LRIG1: variants seen among roughly 807,000 people sequenced by gnomAD.
The protein encoded by LRIG1 is leucine rich repeats and immunoglobulin like domains 1.
A neutral mutation model predicts 99.2 loss-of-function variants in LRIG1; 48 were observed. The observed-to-expected ratio is 0.48, with a 90% confidence interval of 0.38 to 0.62. The LOEUF is 0.62. LRIG1 is among the 20% of genes least tolerant of loss of function. The pLI, the probability that LRIG1 is intolerant of heterozygous loss-of-function variation, is 0.00. For synonymous variants in LRIG1, 772 were observed against 596.1 expected (o/e 1.29, Z -4.30); for missense variants, 1,646 against 1,434.4 (o/e 1.15, Z -2.38).
Position 66,500,586 on chromosome 3 carries a change from G to A in LRIG1, c.-179C>T, listed in dbSNP as rs1043862722. On this transcript the variant is annotated 5_prime_UTR_variant, in exon 1 of 19. Coordinates refer to ENST00000273261, the MANE Select transcript of LRIG1 (RefSeq NM_015541.3). The stretch of plus-strand genomic sequence containing the variant: ...GGCACTCAGCGTGCCCCCGGTGCCC[G>A]GGCCGCTCCGGAGCACCCGGCGGGG... The A allele has an allele frequency of 7.1e-5, 26 of 366,936 alleles. No homozygotes were observed. The highest frequency in any genetic ancestry group is 1.1e-4 in the Non-Finnish European group (23 of 208,554). 22.7% of individuals were successfully genotyped at this position (366,936 alleles called of 1,614,324 possible). A position where few individuals can be genotyped will look rare whatever the true frequency, so the allele number is the denominator to read the frequency against.
At chr3:66,423,243 A>C (rs1417442986) in intron 3 of LRIG1, among the ~76,000 whole-genome samples, 1 of 152,248 alleles carries the variant, frequency 6.6e-6, no homozygotes, top group Admixed American at 6.5e-5. Flanking sequence ...TTCAGATGGT[A>C]AATTTTATGT....
At chr3:66,417,376 G>A (rs1240105160) in intron 3 of LRIG1, 110 bp from the exon 4 acceptor site, 16 of 1,121,094 alleles carry the variant, frequency 1.4e-5, no homozygotes, top group East Asian at 4.8e-5. Context: ...ATGCAGTGAC[G>A]CTCTTAAAAA....
At position 66,500,276 on chromosome 3, in the gene LRIG1, G is replaced by A. The variant is rs768684985; in HGVS notation, c.132C>T (p.Ala44=). 472 of 1,490,662 alleles carry A rather than the reference G, an allele frequency of 3.2e-4. No individual in the cohort carries two copies. Among genetic ancestry groups the A allele is most frequent in the Non-Finnish European group, 3.9e-4 (437 of 1,126,580 alleles). The allele number at this position is 1,490,662 out of a possible 1,614,324, so 92.3% of individuals were successfully genotyped here. A position where few individuals can be genotyped will look rare whatever the true frequency, so the allele number is the denominator to read the frequency against. Residue 44 remains alanine (A), a synonymous_variant, in exon 1 of 19, where the codon GCC becomes GCT. Coordinates refer to ENST00000273261, the MANE Select transcript of LRIG1 (RefSeq NM_015541.3). Reference sequence around the variant, plus strand: ...CCAGCGAGTCCCCAGCGCAAGTGCAGGCGGCCGCGCAGGGCGCCCGCGGGC... The same window carrying A: ...CCAGCGAGTCCCCAGCGCAAGTGCAAGCGGCCGCGCAGGGCGCCCGCGGGC... The part of the protein sequence containing the change: ...AAGPRAPCAA[A]CTCAGDSLDC...
intron 9 of LRIG1, among the ~76,000 whole-genome samples, chr3:66,400,713 C>CA (rs1302925797): frequency 6.6e-6 from 1 of 152,232 alleles, no homozygotes; most frequent in East Asian, 1.9e-4. Flanking sequence ...CAAGAAGCCC[C>CA]AGCCCCTTCC....
intron 1 of LRIG1, among the ~76,000 whole-genome samples, chr3:66,480,126 G>T (rs1700814447): frequency 6.6e-6 from 1 of 152,178 alleles, no homozygotes; most frequent in Admixed American, 6.5e-5. Flanking sequence ...GCATTCTTCA[G>T]CCATAAAAAT....
intron 1 of LRIG1, among the ~76,000 whole-genome samples, chr3:66,486,184 T>A (rs1700970551): frequency 6.6e-6 from 1 of 152,292 alleles, no homozygotes; most frequent in South Asian, 2.1e-4. Flanking sequence ...ATAATAACAT[T>A]ATAGCTACCC....
At chr3:66,452,622 C>T (rs1316754602) in intron 2 of LRIG1, among the ~76,000 whole-genome samples, 1 of 152,156 alleles carries the variant, frequency 6.6e-6, no homozygotes, top group Non-Finnish European at 1.5e-5. Context: ...TAACACAGAG[C>T]ATCCTGTTTC....
At chr3:66,415,167 G>A in intron 4 of LRIG1, 104 bp from the exon 5 acceptor site, 1 of 1,166,656 alleles carries the variant, frequency 8.6e-7, no homozygotes, top group Non-Finnish European at 1.2e-6. Context: ...GATGAGTTAA[G>A]ACACCAGAGG....
intron 11 of LRIG1, among the ~76,000 whole-genome samples, chr3:66,395,784 G>A (rs953921038): frequency 6.6e-6 from 1 of 152,174 alleles, no homozygotes; most frequent in African/African-American, 2.4e-5. Flanking sequence ...CCTGCATGGG[G>A]GTCAGGGCTG....
intron 3 of LRIG1, among the ~76,000 whole-genome samples, chr3:66,424,102 C>T (rs545099461): frequency 1.6e-4 from 24 of 152,340 alleles, no homozygotes; most frequent in Admixed American, 1.5e-3. Flanking sequence ...AAGAAGCCTG[C>T]TCCAGCTGGA....
At chr3:66,481,899 G>A (rs1041399149) in intron 1 of LRIG1, among the ~76,000 whole-genome samples, 4 of 152,208 alleles carry the variant, frequency 2.6e-5, no homozygotes, top group Admixed American at 6.5e-5. Flanking sequence ...ACATGGGCTC[G>A]CTTGCAGAAG....
chr3:66,458,379 A>G (rs943224105), intron 2 of LRIG1, among the ~76,000 whole-genome samples: 9 of 152,180 alleles, frequency 5.9e-5, no homozygotes, highest in African/African-American at 2.2e-4. Context: ...AAATGCTTAC[A>G]AAGAAAATGT....
rs1700778729 is a variant in LRIG1, at chr3:66,478,633, A to G, written c.219-16124T>C. Among the ~76,000 whole-genome samples the G allele has an allele frequency of 2.0e-5, 3 of 152,184 alleles. No homozygotes were observed. In the South Asian group the frequency reaches 6.2e-4, roughly 31 times the overall value. On this transcript the variant is annotated intron_variant, in intron 1 of 18. Coordinates refer to ENST00000273261, the MANE Select transcript of LRIG1 (RefSeq NM_015541.3). Reference sequence around the variant, plus strand: ...ACCATAAACTCTGACTAGAGGACTAACAGAGGCTACCATGTCATTATTATC... The same window carrying G: ...ACCATAAACTCTGACTAGAGGACTAGCAGAGGCTACCATGTCATTATTATC...
At chr3:66,477,786 G>T (rs560372571) in intron 1 of LRIG1, among the ~76,000 whole-genome samples, 6 of 152,080 alleles carry the variant, frequency 3.9e-5, no homozygotes, top group Non-Finnish European at 8.8e-5. Flanking sequence ...ACACACCTAT[G>T]GGGGAGGAAG....
chr3:66,439,748 G>T (rs1459615749), intron 3 of LRIG1, among the ~76,000 whole-genome samples: 1 of 152,150 alleles, frequency 6.6e-6, no homozygotes, highest in Non-Finnish European at 1.5e-5. Flanking sequence ...GCTATCAGAA[G>T]AAAGAATGAC....
rs115028931 is a variant in LRIG1 at position 66,431,890 on chromosome 3, A to G, written c.366-14624T>C. On this transcript the variant is annotated intron_variant, in intron 3 of 18. Transcript: ENST00000273261. ...CAGGGCACACAGCCCACCAATTCACATGACTGTCCCTCTCTAGAAGATACA... is the reference window on the plus strand; with the variant it reads ...CAGGGCACACAGCCCACCAATTCACGTGACTGTCCCTCTCTAGAAGATACA... Among the ~76,000 whole-genome samples, 991 of 152,262 alleles carry G rather than the reference A, an allele frequency of 6.5e-3. 9 individuals carry two copies. The highest frequency in any genetic ancestry group is 8.6e-3 in the Non-Finnish European group (583 of 68,022).
intron 1 of LRIG1, among the ~76,000 whole-genome samples, chr3:66,479,813 G>A (rs1203658518): frequency 6.6e-6 from 1 of 152,202 alleles, no homozygotes; most frequent in Non-Finnish European, 1.5e-5. Flanking sequence ...TGGTGAGGTA[G>A]TGCAGAAATG....
At chr3:66,419,403 G>A (rs1385322725) in intron 3 of LRIG1, among the ~76,000 whole-genome samples, 1 of 152,182 alleles carries the variant, frequency 6.6e-6, no homozygotes, top group Non-Finnish European at 1.5e-5. Context: ...TCACCCGCTG[G>A]GAAAGTTCCC....
At position 66,382,303 on chromosome 3, in the gene LRIG1, G is replaced by A. The variant is rs1468513515; in HGVS notation, c.2587C>T (p.Pro863Ser). 6.2e-7 allele frequency: 1 copy of A among 1,614,152 alleles called. No individual in the cohort carries two copies. The highest frequency in any genetic ancestry group is 8.5e-7 in the Non-Finnish European group (1 of 1,180,036). The change falls in exon 16 of 19, where the codon CCT becomes TCT. Residue 863 changes from proline to serine, a missense_variant. Physicochemically the swap from Pro to Ser is moderately conservative, Grantham distance 74. Coordinates refer to ENST00000273261, the MANE Select transcript of LRIG1 (RefSeq NM_015541.3). ...CTCTCAATGTGCCCATTGGCCTGAGGGCCACCCTCGGTCCTGACCACGGTT... is the reference window on the plus strand; with the variant it reads ...CTCTCAATGTGCCCATTGGCCTGAGAGCCACCCTCGGTCCTGACCACGGTT... ...QETVVRTEGG[P>S]QANGHIESNG...
Sources: gnomAD v4.1 joint callset for allele counts (sites outside exome capture counted in the v4.1 genomes callset) on GRCh38, gnomAD v4.1.1 for gene constraint, MANE v1.5 for transcripts, NCBI Gene and HGNC (gene_info 2026-07-23, HGNC 2026-07-21) for gene names.